PLAT: variants seen among roughly 807,000 people sequenced by gnomAD.
PLAT encodes plasminogen activator, tissue type, also known as tissue-type plasminogen activator.
PLAT carries 48 observed loss-of-function variants against 74.9 expected under a neutral mutation model. The observed-to-expected ratio is 0.64, with a 90% CI of 0.51 to 0.82. PLAT has a LOEUF of 0.82. Among genes scored for constraint, PLAT ranks in the 40% least tolerant of loss-of-function variants. The pLI is 0.00. For synonymous variants in PLAT, 307 were observed against 294.4 expected, an observed-to-expected ratio of 1.04 and a Z score of -0.44; for missense variants, 673 against 736.2, an observed-to-expected ratio of 0.91 and a Z score of 0.99.
chr8:42,189,275 T>A (rs1436781841), intron 3 of PLAT, among the ~76,000 whole-genome samples: 4 of 152,146 alleles, frequency 2.6e-5, no homozygotes, highest in Non-Finnish European at 5.9e-5. Context: ...CCCAGCACTT[T>A]GGGTGGCCGA....
chr8:42,177,945 C>T (rs8178792), intron 13 of PLAT, among the ~76,000 whole-genome samples: 6 of 152,210 alleles, frequency 3.9e-5, no homozygotes, highest in Admixed American at 2.6e-4. Context: ...AGGAGAGCTT[C>T]GCACGCTGCA....
intron 1 of PLAT, among the ~76,000 whole-genome samples, chr8:42,197,080 G>A (rs975467244): frequency 6.6e-6 from 1 of 152,170 alleles, no homozygotes; most frequent in Non-Finnish European, 1.5e-5. Flanking sequence ...ATTTGCAAAA[G>A]GTACCCTCTC....
rs112301395 is a variant in PLAT at position 42,201,885 on chromosome 8, C to T, written c.-27+5609G>A. Among the ~76,000 whole-genome samples, 151 of 152,318 alleles carry T rather than the reference C, an allele frequency of 9.9e-4. 1 individual carries two copies. The highest frequency in any genetic ancestry group is 3.5e-3 in the African/African-American group (147 of 41,570). ...TGGAGCTTCCCAGAAAAAAACCCTT[C>T]GCTTTCTCTCAGTAGCCCAGGTGTT... On this transcript the variant is annotated intron_variant, in intron 1 of 13. Transcript: ENST00000220809.
chr8:42,207,017 C>T (rs7018383), intron 1 of PLAT, among the ~76,000 whole-genome samples: 8,792 of 152,184 alleles, frequency 0.058, 359 homozygotes, highest in African/African-American at 0.11. Flanking sequence ...GAAGTAAGTC[C>T]CCCTCTGCCC....
rs765343785 is a variant in PLAT at position 42,178,927 on chromosome 8, C to T, written c.1500G>A (p.Gly500=). The change falls in exon 13 of 14, where the codon GGG becomes GGA. Residue 500 remains glycine, a synonymous_variant. Transcript: ENST00000220809. ...AGGCGTCGTGCAAGTTTGCCTGGGG[C>T]CCGCCGCTCCGAGTGTCTCCAGCAC... ...MLCAGDTRSG[G]PQANLHDACQ... 1 of 1,613,726 alleles carries T rather than the reference C, an allele frequency of 6.2e-7. No individual in the cohort carries two copies. Among genetic ancestry groups the T allele is most frequent in the South Asian group, 1.1e-5 (1 of 91,058 alleles).
chr8:42,178,664 C>G, intron 13 of PLAT, among the ~76,000 whole-genome samples: 1 of 152,338 alleles, frequency 6.6e-6, no homozygotes, highest in Middle Eastern at 3.4e-3. Flanking sequence ...GGTGGAGTTG[C>G]CTGTGCAGAT....
intron 1 of PLAT, chr8:42,195,623 G>A (rs1229207681): frequency 1.3e-5 from 2 of 152,184 alleles, no homozygotes; most frequent in African/African-American, 4.8e-5. Context: ...GTGCGGGGTG[G>A]AATCTTCTCA....
chr8:42,194,050 C>CTTTCTT (rs1805798207), intron 1 of PLAT, among the ~76,000 whole-genome samples: 6 of 84,922 alleles, frequency 7.1e-5, no homozygotes, highest in Admixed American at 5.5e-4. Flanking sequence ...TTTCTTCTTT[C>CTTTCTT]TTTTTTTTTT....
At position 42,185,081 on chromosome 8, in the gene PLAT, C is replaced by G. The variant is rs1318214159; in HGVS notation, c.631G>C (p.Gly211Arg). 6.3e-7 allele frequency: 1 copy of G among 1,595,666 alleles called. No individual in the cohort carries two copies. Among genetic ancestry groups the G allele is most frequent in the South Asian group, 1.1e-5 (1 of 88,676 alleles). ...EFCSTPACSEGNSDCYFGNGS... is the reference protein window; with the variant it reads ...EFCSTPACSERNSDCYFGNGS... ...GAAAGGCGGGGTGGCTGCCACTTAC[C>G]CTCAGAGCAGGCAGGGGTGCTGCAG... Residue 211 changes from glycine (G) to arginine (R), a missense_variant and splice_region_variant, in exon 7 of 14, where the codon GGA becomes CGA. By Grantham distance (125) the Gly-to-Arg change is moderately radical (BLOSUM62 -2). Coordinates refer to ENST00000220809, the MANE Select transcript of PLAT (RefSeq NM_000930.5).
intron 1 of PLAT, among the ~76,000 whole-genome samples, chr8:42,204,885 G>T (rs530747581): frequency 6.6e-6 from 1 of 152,126 alleles, no homozygotes; most frequent in African/African-American, 2.4e-5. Flanking sequence ...GGGCGTGGTG[G>T]CTTCAAGTGA....
chr8:42,179,362 A>G (rs1245075589), intron 12 of PLAT, among the ~76,000 whole-genome samples: 5 of 152,150 alleles, frequency 3.3e-5, no homozygotes, highest in Non-Finnish European at 5.9e-5. Context: ...GGCTGCACTC[A>G]CTGAAGGCCG....
chr8:42,203,893 A>AGTTTGAAG (rs1806226866), intron 1 of PLAT, among the ~76,000 whole-genome samples: 1 of 150,966 alleles, frequency 6.6e-6, no homozygotes, highest in African/African-American at 2.5e-5. Context: ...TGAGCCCAGG[A>AGTTTGAAG]GTTTGAAGGT....
rs748697637 is a variant in PLAT at position 42,180,325 on chromosome 8, G to C, written c.1139C>G (p.Pro380Arg). Residue 380 changes from proline (P) to arginine (R), a missense_variant, in exon 11 of 14, where the codon CCT (proline) becomes CGT (arginine). Pro to Arg is a moderately radical substitution (Grantham distance 103, BLOSUM62 -2). Transcript: ENST00000220809. ...VILGRTYRVV[P>R]GEEEQKFEVE... The stretch of plus-strand genomic sequence containing the variant: ...TTCAAATTTCTGCTCCTCCTCGCCA[G>C]GGACCACCCGGTATGTTCTGCCCAA... The C allele has an allele frequency of 1.2e-6, 2 of 1,614,094 alleles. No individual in the cohort carries two copies. The highest frequency in any genetic ancestry group is 2.7e-5 in the African/African-American group (2 of 74,948).
At chr8:42,201,505 C>T (rs1806130243) in intron 1 of PLAT, among the ~76,000 whole-genome samples, 2 of 152,082 alleles carry the variant, frequency 1.3e-5, no homozygotes, top group South Asian at 4.1e-4. Context: ...CCTCATGGAT[C>T]CCCGTTAATA....
intron 7 of PLAT, chr8:42,184,777 A>G: frequency 3.6e-6 from 1 of 275,976 alleles, no homozygotes; most frequent in Non-Finnish European, 6.7e-6. Flanking sequence ...TAATCAAAAA[A>G]GGGAGAATCT....
In PLAT at chr8:42,179,014, G is replaced by A; in HGVS notation, c.1413C>T (p.Tyr471=). 1 of 1,613,374 alleles carries A rather than the reference G, an allele frequency of 6.2e-7. No individual in the cohort carries two copies. The highest frequency in any genetic ancestry group is 8.5e-7 in the Non-Finnish European group (1 of 1,179,296). The part of the protein sequence containing the change: ...ERLKEAHVRL[Y]PSSRCTSQHL... ...GTTGTGATGTGCAGCGGCTGGATGG[G>A]TACAGTCTGACATGAGCCTCCTTCA... The change falls in exon 13 of 14, where the codon TAC becomes TAT. Residue 471 remains tyrosine, a synonymous_variant. Transcript: ENST00000220809.
chr8:42,179,441 G>T (rs943577563), intron 12 of PLAT, among the ~76,000 whole-genome samples: 1 of 152,128 alleles, frequency 6.6e-6, no homozygotes. Context: ...TTTCCTGGGG[G>T]ACAAAATCAC....
At chr8:42,192,009 T>C (rs890184123) in intron 2 of PLAT, among the ~76,000 whole-genome samples, 3 of 150,316 alleles carry the variant, frequency 2.0e-5, no homozygotes, top group African/African-American at 7.3e-5. Flanking sequence ...TTTCTTTTTT[T>C]TTTTTTTTTT....
At position 42,187,202 on chromosome 8, in the gene PLAT, A is replaced by G. The variant is rs142508057; in HGVS notation, c.539+196T>C. On this transcript the variant is annotated intron_variant, in intron 6 of 13. Coordinates refer to ENST00000220809, the MANE Select transcript of PLAT (RefSeq NM_000930.5). ...TCATGTATGTATCATCTATTTATCT[A>G]ATCTATCACCTATCATCTATCATCT... is the stretch of plus-strand genomic sequence containing the variant. The G allele has an allele frequency of 8.2e-6, 4 of 489,170 alleles. No homozygotes were observed. The Admixed American group carries it at 1.0e-4, about 13-fold the overall frequency. 30.3% of individuals were successfully genotyped at this position (489,170 alleles called of 1,614,324 possible).
Sources: allele counts gnomAD v4.1 joint callset (sites outside exome capture counted in the v4.1 genomes callset), GRCh38; gene constraint gnomAD v4.1.1; transcripts MANE v1.5; gene names NCBI Gene and HGNC (gene_info 2026-07-23, HGNC 2026-07-21).